SHISA9: variants seen among roughly 807,000 people sequenced by gnomAD.
SHISA9 encodes protein shisa-9.
Under a neutral mutation model 38.0 loss-of-function variants are expected in SHISA9, and 13 were observed. The ratio of observed to expected loss-of-function variants is 0.34; its 90% CI spans 0.22 to 0.54. The LOEUF is 0.54. SHISA9 is among the 20% of genes least tolerant of loss of function. The probability of loss-of-function intolerance (pLI) is 0.91; values close to 1 mark genes in which losing one functional copy is unlikely to be tolerated. For synonymous variants in SHISA9, 275 were observed against 242.0 expected, an observed-to-expected ratio of 1.14 and a Z score of -1.27; for missense variants, 538 against 575.8, an observed-to-expected ratio of 0.93 and a Z score of 0.67.
chr16:13,258,942 C>T, the SHISA9 span, among the ~76,000 whole-genome samples: 1 of 152,154 alleles, frequency 6.6e-6, no homozygotes, highest in African/African-American at 2.4e-5. Flanking sequence ...CATGTCTTCA[C>T]ATTTCAAAAC....
the SHISA9 span, among the ~76,000 whole-genome samples, chr16:13,338,108 C>A: frequency 7.2e-5 from 11 of 152,130 alleles, no homozygotes; most frequent in African/African-American, 2.7e-4. Flanking sequence ...AGATGTGAGG[C>A]TACCAGGGGC....
chr16:13,544,447 T>TTTTTC, the SHISA9 span, among the ~76,000 whole-genome samples: 15 of 144,208 alleles, frequency 1.0e-4, no homozygotes, highest in African/African-American at 3.3e-4. Flanking sequence ...TTTTTTTTTT[T>TTTTTC]CCCCGCTGGA....
chr16:13,005,942 G>A (rs563221194), intron 2 of SHISA9, among the ~76,000 whole-genome samples: 2 of 152,318 alleles, frequency 1.3e-5, no homozygotes, highest in South Asian at 4.1e-4. Context: ...GAAACAGTGG[G>A]AGGCTCTTAT....
chr16:13,090,262 G>T (rs2073759663), intron 2 of SHISA9, among the ~76,000 whole-genome samples: 1 of 152,194 alleles, frequency 6.6e-6, no homozygotes, highest in Admixed American at 6.5e-5. Flanking sequence ...GTGATGCTGA[G>T]AAGAAGGTAT....
chr16:13,035,270 A>G (rs897313343), intron 2 of SHISA9, among the ~76,000 whole-genome samples: 1 of 152,130 alleles, frequency 6.6e-6, no homozygotes, highest in Non-Finnish European at 1.5e-5. Context: ...CACTAGCTCT[A>G]TTTTTTGTAG....
intron 2 of SHISA9, among the ~76,000 whole-genome samples, chr16:13,006,620 A>G (rs973518330): frequency 5.3e-5 from 8 of 152,204 alleles, no homozygotes; most frequent in African/African-American, 1.9e-4. Context: ...TGCTTACCAA[A>G]TATTTATTGG....
chr16:13,126,751 AAGAG>A (rs568616497), intron 2 of SHISA9, among the ~76,000 whole-genome samples: 6 of 131,630 alleles, frequency 4.6e-5, no homozygotes, highest in African/African-American at 8.7e-5. Flanking sequence ...CTGAGGGAAG[AAGAG>A]AGAGAGAGGG....
At chr16:13,497,219 C>T in the SHISA9 span, among the ~76,000 whole-genome samples, 36 of 151,868 alleles carry the variant, frequency 2.4e-4, no homozygotes, top group Admixed American at 7.2e-4. Flanking sequence ...TACATGTTTA[C>T]GATGTGGAAT....
At chr16:13,072,066 A>T (rs900841481) in intron 2 of SHISA9, among the ~76,000 whole-genome samples, 14 of 152,132 alleles carry the variant, frequency 9.2e-5, no homozygotes, top group Non-Finnish European at 1.8e-4. Flanking sequence ...GTGCCCGGGG[A>T]CTAAATGATT....
chr16:13,458,489 T>C, the SHISA9 span: 4 of 398,114 alleles, frequency 1.0e-5, no homozygotes, highest in African/African-American at 2.1e-5. Context: ...CAGCTAGAAA[T>C]TGGTAATCTA....
At chr16:12,936,291 T>C (rs2071531877) in intron 2 of SHISA9, among the ~76,000 whole-genome samples, 1 of 152,208 alleles carries the variant, frequency 6.6e-6, no homozygotes, top group African/African-American at 2.4e-5. Context: ...AAACTGGGGA[T>C]ACTTGAGCAG....
intron 2 of SHISA9, among the ~76,000 whole-genome samples, chr16:13,136,396 C>CTTTTTTTTTTTT (rs35122409): frequency 1.5e-5 from 1 of 68,086 alleles, no homozygotes; most frequent in Non-Finnish European, 2.7e-5. Flanking sequence ...CAGTTTCCTT[C>CTTTTTTTTTTTT]TTTTTTTTTT....
chr16:13,154,533 T>C (rs1221759794), intron 2 of SHISA9, among the ~76,000 whole-genome samples: 2 of 152,104 alleles, frequency 1.3e-5, no homozygotes, highest in Admixed American at 6.5e-5. Flanking sequence ...CTCTTGGCAG[T>C]GAGGATGGCA....
chr16:13,400,871 C>G, the SHISA9 span, among the ~76,000 whole-genome samples: 1 of 152,186 alleles, frequency 6.6e-6, no homozygotes, highest in African/African-American at 2.4e-5. Context: ...TCTTTCAACT[C>G]CATGGAAGAA....
chr16:13,222,159 C>G (rs547441011), intron 4 of SHISA9, among the ~76,000 whole-genome samples: 19 of 152,302 alleles, frequency 1.2e-4, no homozygotes, highest in African/African-American at 4.3e-4. Flanking sequence ...GAAAAACCCA[C>G]CCCCATGATT....
At chr16:13,091,752 C>T (rs1057079988) in intron 2 of SHISA9, among the ~76,000 whole-genome samples, 1 of 152,184 alleles carries the variant, frequency 6.6e-6, no homozygotes, top group Admixed American at 6.5e-5. Context: ...ACACATCCTC[C>T]TTTAGCTCGG....
intron 3 of SHISA9, among the ~76,000 whole-genome samples, chr16:13,208,427 C>T (rs913057801): frequency 9.7e-5 from 12 of 124,298 alleles, no homozygotes; most frequent in South Asian, 2.5e-4. Flanking sequence ...CTTTTCCTTT[C>T]TTTTTCTTTT....
At chr16:13,272,137 A>C in the SHISA9 span, among the ~76,000 whole-genome samples, 1 of 152,004 alleles carries the variant, frequency 6.6e-6, no homozygotes, top group Non-Finnish European at 1.5e-5. Context: ...CGGTGGTTGC[A>C]TCACTTGGTA....
At chr16:13,550,905 A>T in the SHISA9 span, among the ~76,000 whole-genome samples, 2,224 of 152,170 alleles carry the variant, frequency 0.015, 42 homozygotes, top group African/African-American at 0.049. Flanking sequence ...GGGCGGATCA[A>T]AAGGTCAGGC....
Sources: allele counts gnomAD v4.1 joint callset (sites outside exome capture counted in the v4.1 genomes callset), GRCh38; gene constraint gnomAD v4.1.1; transcripts MANE v1.5; gene names NCBI Gene and HGNC (gene_info 2026-07-23, HGNC 2026-07-21).